Variants in TIAM1 observed in about 807,000 individuals in gnomAD.
The protein encoded by TIAM1 is TIAM Rac1 associated GEF 1, also known as rho guanine nucleotide exchange factor TIAM1.
Under a neutral mutation model 163.5 loss-of-function variants are expected in TIAM1, and 65 were observed. That is an observed-to-expected ratio of 0.40 (90% CI 0.33 to 0.49). The LOEUF (loss-of-function observed/expected upper bound fraction) is 0.49. TIAM1 is among the 20% of genes least tolerant of loss of function. The probability of loss-of-function intolerance (pLI) is 0.77; values close to 1 mark genes in which losing one functional copy is unlikely to be tolerated. For missense variants in TIAM1, 1,789 were observed against 2,044.7 expected (o/e 0.87, Z 2.41); for synonymous variants, 833 against 810.1 (o/e 1.03, Z -0.48).
intron 2 of TIAM1, among the ~76,000 whole-genome samples, chr21:31,420,080 T>C (rs2147257106): frequency 6.6e-6 from 1 of 152,196 alleles, no homozygotes; most frequent in South Asian, 2.1e-4. Context: ...AAATAAACTA[T>C]ATAACATCCT....
intron 1 of TIAM1, among the ~76,000 whole-genome samples, chr21:31,546,187 T>TAA (rs11331323): frequency 6.2e-5 from 9 of 144,872 alleles, no homozygotes; most frequent in Non-Finnish European, 1.2e-4. Flanking sequence ...ATTTGTAATT[T>TAA]AAAAAAAAAA....
intron 2 of TIAM1, among the ~76,000 whole-genome samples, chr21:31,409,248 T>C (rs1281767521): frequency 6.6e-6 from 1 of 152,134 alleles, no homozygotes; most frequent in Non-Finnish European, 1.5e-5. Flanking sequence ...TAGCTGGAAT[T>C]ACAGGCATCC....
intron 1 of TIAM1, among the ~76,000 whole-genome samples, chr21:31,530,424 T>C (rs2047933848): frequency 6.6e-6 from 1 of 152,266 alleles, no homozygotes; most frequent in East Asian, 1.9e-4. Context: ...CCCAAATGCC[T>C]GCTCTTCACC....
intron 2 of TIAM1, among the ~76,000 whole-genome samples, chr21:31,309,000 C>T (rs1459345638): frequency 6.7e-6 from 1 of 148,732 alleles, no homozygotes; most frequent in Non-Finnish European, 1.5e-5. Context: ...TTGAAAACTT[C>T]ACCATTCTGG....
At chr21:31,536,716 G>A (rs1018637289) in intron 1 of TIAM1, among the ~76,000 whole-genome samples, 2 of 152,176 alleles carry the variant, frequency 1.3e-5, no homozygotes, top group Non-Finnish European at 2.9e-5. Context: ...GCATGGGCAC[G>A]AGCCCTATGG....
chr21:31,212,158 C>A (rs77640349), intron 10 of TIAM1, among the ~76,000 whole-genome samples: 2,485 of 152,212 alleles, frequency 0.016, 54 homozygotes, highest in African/African-American at 0.049. Flanking sequence ...TCCAGGATAG[C>A]ATCATTCATG....
At chr21:31,308,141 T>C (rs1036520991) in intron 2 of TIAM1, among the ~76,000 whole-genome samples, 20 of 151,986 alleles carry the variant, frequency 1.3e-4, no homozygotes, top group African/African-American at 4.6e-4. Context: ...GACCCAGCTA[T>C]TCGGGAGGCT....
intron 2 of TIAM1, among the ~76,000 whole-genome samples, chr21:31,434,555 G>A (rs2044147706): frequency 6.6e-6 from 1 of 152,220 alleles, no homozygotes; most frequent in Non-Finnish European, 1.5e-5. Flanking sequence ...TTAAGAGCTG[G>A]AAAGATCTCT....
intron 1 of TIAM1, among the ~76,000 whole-genome samples, chr21:31,476,034 G>A (rs1449826796): frequency 2.0e-5 from 3 of 152,172 alleles, no homozygotes; most frequent in South Asian, 4.1e-4. Flanking sequence ...CAGCACTTCT[G>A]AATATAAATC....
At chr21:31,409,290 A>G (rs1257650821) in intron 2 of TIAM1, among the ~76,000 whole-genome samples, 1 of 151,860 alleles carries the variant, frequency 6.6e-6, no homozygotes, top group African/African-American at 2.4e-5. Context: ...TTGTATTTTT[A>G]GTAGAGACGG....
rs1230596304 is a variant in TIAM1, at chr21:31,182,414, G to A, written c.2887+7C>T. ...AGACTCGCCCCCAGCACCCTGCACA[G>A]CCATACCTGGGTTGCTGGTGAGAAA... On this transcript the variant is annotated splice_region_variant and intron_variant, in intron 15 of 27. Transcript: ENST00000541036. 3 of 1,553,682 alleles carry A rather than the reference G, an allele frequency of 1.9e-6. No homozygotes were observed. The African/African-American group carries it at 4.1e-5, about 21-fold the overall frequency.
intron 1 of TIAM1, among the ~76,000 whole-genome samples, chr21:31,556,928 C>T (rs888795032): frequency 1.3e-5 from 2 of 152,196 alleles, no homozygotes; most frequent in African/African-American, 4.8e-5. Context: ...TCTTCAGCTA[C>T]AAGGCATAGC....
chr21:31,351,623 C>T (rs2147117544), intron 2 of TIAM1, among the ~76,000 whole-genome samples: 1 of 152,254 alleles, frequency 6.6e-6, no homozygotes, highest in South Asian at 2.1e-4. Context: ...TCACCAGCAG[C>T]CAGCGTCCTC....
intron 14 of TIAM1, among the ~76,000 whole-genome samples, 161 bp from the exon 15 acceptor site, chr21:31,182,806 G>A (rs1045715717): frequency 1.3e-5 from 2 of 152,246 alleles, no homozygotes; most frequent in African/African-American, 2.4e-5. Flanking sequence ...GGAGAGGACA[G>A]GGGCCTCAGG....
At chr21:31,184,986 A>T (rs2085211145) in intron 14 of TIAM1, among the ~76,000 whole-genome samples, 1 of 151,804 alleles carries the variant, frequency 6.6e-6, no homozygotes, top group Non-Finnish European at 1.5e-5. Flanking sequence ...TGAACTACCC[A>T]GAACTCAGCT....
chr21:31,410,667 T>C (rs1176521064), intron 2 of TIAM1, among the ~76,000 whole-genome samples: 1 of 151,622 alleles, frequency 6.6e-6, no homozygotes, highest in Non-Finnish European at 1.5e-5. Flanking sequence ...GATATGTATA[T>C]GTACGAGACA....
chr21:31,469,945 T>C lies in TIAM1; in HGVS notation c.-421-5910A>G, dbSNP rs889089361. Among the ~76,000 whole-genome samples, 17 of 151,778 alleles carry C rather than the reference T, an allele frequency of 1.1e-4. 1 individual carries two copies. The South Asian group carries it at 1.2e-3, about 11-fold the overall frequency. On this transcript the variant is annotated intron_variant, in intron 1 of 28. Coordinates refer to the TIAM1 transcript ENST00000286827. Reference sequence around the variant, plus strand: ...ATTTCCAGGCATGGGTAGGGGCAGGTGTGGCGCACTGTCTGAGGAGGCTCC... The same window carrying C: ...ATTTCCAGGCATGGGTAGGGGCAGGCGTGGCGCACTGTCTGAGGAGGCTCC...
In TIAM1 at chr21:31,542,426, C is replaced by CAA. The variant is rs60986228; in HGVS notation, c.-422+16499_-422+16500dup. On this transcript the variant is annotated intron_variant, in intron 1 of 28. Transcript: ENST00000286827. ...TGGGGGATAGAGCGAGACTCCGTCT[C>CAA]AAAAAAAAAGAAAAAAAAAAGTAAT... Among the ~76,000 whole-genome samples, 708 of 145,470 alleles carry CAA rather than the reference C, an allele frequency of 4.9e-3. 5 individuals are homozygous for CAA. Among genetic ancestry groups the CAA allele is most frequent in the African/African-American group, 0.016 (632 of 38,986 alleles).
chr21:31,220,676 G>C (rs923544817), intron 8 of TIAM1, among the ~76,000 whole-genome samples: 4 of 152,074 alleles, frequency 2.6e-5, no homozygotes, highest in African/African-American at 4.8e-5. Context: ...AAATTGCTTG[G>C]GGCCTTGTAA....
Sources: gnomAD v4.1 joint callset for allele counts (sites outside exome capture counted in the v4.1 genomes callset) on GRCh38, gnomAD v4.1.1 for gene constraint, MANE v1.5 for transcripts, NCBI Gene and HGNC (gene_info 2026-07-23, HGNC 2026-07-21) for gene names.